CTNNA2: variants seen among roughly 807,000 people sequenced by gnomAD.
The protein encoded by CTNNA2 is catenin alpha 2.
In CTNNA2, 42 loss-of-function variants were observed where a neutral mutation model predicts 101.0. The ratio of observed to expected loss-of-function variants is 0.42; its 90% confidence interval spans 0.32 to 0.54. CTNNA2 has a LOEUF of 0.54. Among genes scored for constraint, CTNNA2 ranks in the 20% least tolerant of loss-of-function variants. CTNNA2 has a pLI of 0.14. For missense variants in CTNNA2, 871 were observed against 1,223.1 expected (o/e 0.71, Z 4.29); for synonymous variants, 450 against 456.4 (o/e 0.99, Z 0.18).
chr2:79,547,908 T>C (rs1249038538), intron 1 of CTNNA2: 2 of 152,400 alleles, frequency 1.3e-5, no homozygotes, highest in Non-Finnish European at 1.5e-5. Context: ...TACCTACTTA[T>C]GATTTCTCAC....
At chr2:79,401,204 G>A (rs1011826140) in intron 4 of CTNNA2, among the ~76,000 whole-genome samples, 7 of 151,520 alleles carry the variant, frequency 4.6e-5, no homozygotes, top group Non-Finnish European at 8.9e-5. Flanking sequence ...ATTTCATACC[G>A]TACATATGCC....
intron 1 of CTNNA2, among the ~76,000 whole-genome samples, chr2:79,564,363 T>C (rs959703473): frequency 2.6e-5 from 4 of 151,976 alleles, no homozygotes; most frequent in African/African-American, 9.7e-5. Flanking sequence ...TGCTATTTAA[T>C]ATTCCATGAT....
Position 79,728,258 on chromosome 2 carries a change from A to G in CTNNA2, c.103-16129A>G, listed in dbSNP as rs1686984328. 2.0e-5 allele frequency among the ~76,000 whole-genome samples: 3 copies of G among 152,052 alleles called. No homozygotes were observed. The South Asian group carries it at 6.2e-4, about 32-fold the overall frequency. ...GCACCTGTTGTTTCCTGACTTTTTA[A>G]TGATCGCCATTCTAACTGGTGTGAG... On this transcript the variant is annotated intron_variant, in intron 2 of 18. Coordinates refer to ENST00000402739, the MANE Select transcript of CTNNA2 (RefSeq NM_001282597.3).
chr2:80,104,675 A>G (rs1262950259), intron 7 of CTNNA2, among the ~76,000 whole-genome samples: 1 of 152,244 alleles, frequency 6.6e-6, no homozygotes, highest in Non-Finnish European at 1.5e-5. Context: ...TTGAGATATG[A>G]TGTTGGTATG....
intron 12 of CTNNA2, among the ~76,000 whole-genome samples, chr2:80,566,899 A>G (rs1447428397): frequency 6.6e-6 from 1 of 152,206 alleles, no homozygotes; most frequent in African/African-American, 2.4e-5. Context: ...GAAGCTCTTT[A>G]GCCTGTGGTG....
intron 3 of CTNNA2, among the ~76,000 whole-genome samples, chr2:79,806,262 G>T (rs914153010): frequency 1.4e-4 from 21 of 151,988 alleles, no homozygotes; most frequent in Admixed American, 1.4e-3. Context: ...TTACCAAAAA[G>T]CTTCTAAGAG....
intron 2 of CTNNA2, among the ~76,000 whole-genome samples, chr2:79,277,964 G>C (rs1053384493): frequency 6.6e-6 from 1 of 152,138 alleles, no homozygotes; most frequent in Non-Finnish European, 1.5e-5. Context: ...GGCTACTGCT[G>C]CTCTTTGATT....
At chr2:79,724,892 C>A (rs1054939710) in intron 2 of CTNNA2, among the ~76,000 whole-genome samples, 5 of 150,220 alleles carry the variant, frequency 3.3e-5, no homozygotes, top group Non-Finnish European at 7.4e-5. Context: ...GTCTGCAGCA[C>A]ATCAGCACGT....
chr2:79,289,412 C>G (rs561353191), intron 2 of CTNNA2, among the ~76,000 whole-genome samples: 1 of 152,172 alleles, frequency 6.6e-6, no homozygotes, highest in East Asian at 1.9e-4. Context: ...ATTCACTTTC[C>G]AGTTTCCCAT....
At chr2:80,255,310 A>C (rs1018331258) in intron 7 of CTNNA2, among the ~76,000 whole-genome samples, 1 of 152,132 alleles carries the variant, frequency 6.6e-6, no homozygotes, top group Non-Finnish European at 1.5e-5. Context: ...CATTTTCCAC[A>C]TGAAGAAAGC....
chr2:79,493,075 A>G (rs1464168358), intron 4 of CTNNA2, among the ~76,000 whole-genome samples: 2 of 152,220 alleles, frequency 1.3e-5, no homozygotes, highest in Non-Finnish European at 2.9e-5. Flanking sequence ...CACAAGGGGC[A>G]TAGACAAAAA....
chr2:80,441,817 T>G (rs1275865228), intron 9 of CTNNA2, among the ~76,000 whole-genome samples: 1 of 152,168 alleles, frequency 6.6e-6, no homozygotes, highest in African/African-American at 2.4e-5. Context: ...GAGGTCATGA[T>G]GTTCTCGAAG....
chr2:80,405,798 T>C (rs932233659), intron 8 of CTNNA2, among the ~76,000 whole-genome samples: 1 of 152,172 alleles, frequency 6.6e-6, no homozygotes, highest in Non-Finnish European at 1.5e-5. Flanking sequence ...CCATTTGTCC[T>C]GAGGAGTTTG....
chr2:79,951,463 C>G (rs868417554), intron 7 of CTNNA2, among the ~76,000 whole-genome samples: 1 of 151,990 alleles, frequency 6.6e-6, no homozygotes, highest in South Asian at 2.1e-4. Flanking sequence ...GGTCAGGATT[C>G]GAGACCAGCC....
At chr2:80,273,313 T>C (rs77800809) in intron 7 of CTNNA2, among the ~76,000 whole-genome samples, 9,186 of 152,170 alleles carry the variant, frequency 0.06, 527 homozygotes, top group African/African-American at 0.15. Context: ...GTTGTCAGCT[T>C]TACCTTCAAA....
intron 8 of CTNNA2, among the ~76,000 whole-genome samples, chr2:80,407,293 C>T (rs1402301561): frequency 1.3e-5 from 2 of 152,166 alleles, no homozygotes; most frequent in African/African-American, 4.8e-5. Flanking sequence ...AGCTTCTGGA[C>T]ACAGCAGATG....
intron 2 of CTNNA2, among the ~76,000 whole-genome samples, chr2:79,660,567 A>G (rs1372277138): frequency 6.6e-6 from 1 of 152,164 alleles, no homozygotes; most frequent in Non-Finnish European, 1.5e-5. Flanking sequence ...GTAGGTATGT[A>G]TACCCAAAGT....
intron 9 of CTNNA2, among the ~76,000 whole-genome samples, chr2:80,520,536 G>A (rs1250526165): frequency 2.6e-5 from 4 of 152,130 alleles, no homozygotes; most frequent in African/African-American, 2.4e-5. Flanking sequence ...TAGCATGGTC[G>A]GGTTCTGATG....
At chr2:79,988,781 G>A (rs565868629) in intron 7 of CTNNA2, among the ~76,000 whole-genome samples, 6 of 152,294 alleles carry the variant, frequency 3.9e-5, no homozygotes, top group Non-Finnish European at 5.9e-5. Flanking sequence ...CAGTTCATGA[G>A]CCCAGGATAA....
Sources: allele counts gnomAD v4.1 joint callset (sites outside exome capture counted in the v4.1 genomes callset), GRCh38; gene constraint gnomAD v4.1.1; transcripts MANE v1.5; gene names NCBI Gene and HGNC (gene_info 2026-07-23, HGNC 2026-07-21).